The following EIF2AK3 variants were observed in gnomAD, a reference collection of about 807,000 sequenced individuals.
EIF2AK3 encodes eukaryotic translation initiation factor 2 alpha kinase 3.
A neutral mutation model predicts 113.5 loss-of-function variants in EIF2AK3; 50 were observed. The ratio of observed to expected loss-of-function variants is 0.44; its 90% CI spans 0.35 to 0.56. The LOEUF is 0.56. EIF2AK3 is among the 20% of genes least tolerant of loss of function. EIF2AK3 has a pLI of 0.00. For synonymous variants in EIF2AK3, 448 were observed against 495.4 expected, an observed-to-expected ratio of 0.90 and a Z score of 1.27; for missense variants, 1,185 against 1,378.0, an observed-to-expected ratio of 0.86 and a Z score of 2.22.
chr2:88,571,917 A>G (rs10201649), intron 13 of EIF2AK3, among the ~76,000 whole-genome samples: 22,489 of 152,104 alleles, frequency 0.15, 2,854 homozygotes, highest in African/African-American at 0.35. Flanking sequence ...TCTCAAACCC[A>G]AGGTGCCCTA....
intron 7 of EIF2AK3, 116 bp from the exon 8 acceptor site, chr2:88,588,220 T>A (rs1056778080): frequency 8.7e-6 from 6 of 687,394 alleles, no homozygotes; most frequent in Non-Finnish European, 1.3e-5. Context: ...ATAATTCAAT[T>A]CAAACATATA....
chr2:88,616,541 C>T (rs1294111588), intron 1 of EIF2AK3, among the ~76,000 whole-genome samples: 1 of 152,174 alleles, frequency 6.6e-6, no homozygotes, highest in African/African-American at 2.4e-5. Flanking sequence ...AGTCTCCAGC[C>T]TCAGCCTCCC....
chr2:88,627,144 G>A lies in EIF2AK3; in HGVS notation c.131C>T (p.Ala44Val), dbSNP rs1187474096. Residue 44 changes from alanine to valine, a missense_variant, in exon 1 of 17, where the codon GCG (alanine) becomes GTG (valine). Ala to Val is a moderately conservative substitution (Grantham distance 64). Coordinates refer to ENST00000303236, the MANE Select transcript of EIF2AK3 (RefSeq NM_004836.7). The part of the protein sequence containing the change: ...RGLPAPTAEA[A>V]FGLGAAAAPT... The stretch of plus-strand genomic sequence containing the variant: ...AGCAGCGGCCGCCCCGAGGCCGAAC[G>A]CCGCCTCCGCCGTCGGCGCTGGGAG... 1.4e-6 allele frequency: 2 copies of A among 1,435,802 alleles called. No individual in the cohort carries two copies. Among genetic ancestry groups the A allele is most frequent in the East Asian group, 3.0e-5 (1 of 33,138 alleles). 88.9% of individuals were successfully genotyped at this position (1,435,802 alleles called of 1,614,324 possible).
intron 2 of EIF2AK3, among the ~76,000 whole-genome samples, chr2:88,605,156 T>C (rs1675239364): frequency 6.6e-6 from 1 of 152,216 alleles, no homozygotes; most frequent in Non-Finnish European, 1.5e-5. Context: ...AGGTAATTTG[T>C]ATGTGTTTAT....
chr2:88,569,215 C>T (rs567360419), intron 14 of EIF2AK3, among the ~76,000 whole-genome samples: 1 of 151,876 alleles, frequency 6.6e-6, no homozygotes, highest in African/African-American at 2.4e-5. Flanking sequence ...TAAAGATGAA[C>T]AATGAGACCG....
At chr2:88,584,177 TGAG>T (rs1352278295) in intron 9 of EIF2AK3, among the ~76,000 whole-genome samples, 1 of 152,112 alleles carries the variant, frequency 6.6e-6, no homozygotes, top group Non-Finnish European at 1.5e-5. Flanking sequence ...TGTAAGGGGC[TGAG>T]GAGATGGTGG....
chr2:88,576,247 T>G (rs1007121984), intron 12 of EIF2AK3, among the ~76,000 whole-genome samples: 1 of 152,212 alleles, frequency 6.6e-6, no homozygotes, highest in Non-Finnish European at 1.5e-5. Flanking sequence ...ATGTAAGTTC[T>G]CTCTTATTTT....
intron 9 of EIF2AK3, 50 bp downstream of exon 9, chr2:88,585,791 A>C (rs1474790286): frequency 3.8e-6 from 6 of 1,573,444 alleles, no homozygotes; most frequent in Non-Finnish European, 5.2e-6. Context: ...TGAGAAGCAA[A>C]TAGGAGGTGG....
intron 2 of EIF2AK3, chr2:88,595,880 C>T: frequency 1.6e-6 from 1 of 634,686 alleles, no homozygotes; most frequent in Non-Finnish European, 2.8e-6. Context: ...CAATCACTCC[C>T]AGGCCCTACA....
At chr2:88,575,509 G>T in intron 12 of EIF2AK3, 63 bp from the exon 13 acceptor site, 1 of 1,562,440 alleles carries the variant, frequency 6.4e-7, no homozygotes, top group Non-Finnish European at 8.7e-7. Flanking sequence ...TACCTGAACT[G>T]CACCCTCTGT....
At chr2:88,617,216 C>G (rs1258320526) in intron 1 of EIF2AK3, among the ~76,000 whole-genome samples, 1 of 152,164 alleles carries the variant, frequency 6.6e-6, no homozygotes, top group East Asian at 1.9e-4. Context: ...GCACTATTCA[C>G]AAGAGCAAAG....
chr2:88,614,410 T>C (rs1171613159), intron 1 of EIF2AK3, among the ~76,000 whole-genome samples: 1 of 152,180 alleles, frequency 6.6e-6, no homozygotes, highest in African/African-American at 2.4e-5. Context: ...AGACATCTAA[T>C]TGACCCTTAG....
rs1674799868 is a variant in EIF2AK3, at chr2:88,588,656, T to G, written c.1306+105A>C. 2.6e-6 allele frequency: 3 copies of G among 1,156,548 alleles called. No homozygotes were observed. The East Asian group carries it at 7.3e-5, about 28-fold the overall frequency. 71.6% of individuals were successfully genotyped at this position (1,156,548 alleles called of 1,614,324 possible). A position where few individuals can be genotyped will look rare whatever the true frequency, so the allele number is the denominator to read the frequency against. ...CATGGTTTATCAATAAAATATAAAG[T>G]ATATAACAGTTCTTATCTCTGCAGT... On this transcript the variant is annotated intron_variant, in intron 7 of 16. Coordinates refer to ENST00000303236, the MANE Select transcript of EIF2AK3 (RefSeq NM_004836.7).
chr2:88,566,652 T>C (rs1674137903), intron 14 of EIF2AK3, among the ~76,000 whole-genome samples: 1 of 152,158 alleles, frequency 6.6e-6, no homozygotes, highest in Admixed American at 6.6e-5. Context: ...AGGAGGGTTT[T>C]AAAATTTCCA....
intron 2 of EIF2AK3, among the ~76,000 whole-genome samples, chr2:88,609,921 C>T (rs1399089592): frequency 6.2e-5 from 1 of 16,032 alleles, no homozygotes; most frequent in East Asian, 1.8e-3. Context: ...TCAGCCTGGG[C>T]AAAATAAGAA....
In EIF2AK3 at chr2:88,627,228, AG is replaced by A; in HGVS notation, c.46del (p.Leu16CysfsTer55). 1.4e-6 allele frequency: 2 copies of A among 1,478,332 alleles called. No homozygotes were observed. Among genetic ancestry groups the A allele is most frequent in the Non-Finnish European group, 8.9e-7 (1 of 1,120,984 alleles). The allele number at this position is 1,478,332 out of a possible 1,614,324, so 91.6% of individuals were successfully genotyped here. A position where few individuals can be genotyped will look rare whatever the true frequency, so the allele number is the denominator to read the frequency against. On this transcript the variant is annotated frameshift_variant, in exon 1 of 17. Coordinates refer to ENST00000303236, the MANE Select transcript of EIF2AK3 (RefSeq NM_004836.7). LOFTEE classifies it high-confidence loss of function. ...CGCGAGCCCCAGCAGCAGCAGCAGC[AG>A]CAGCAGCGCCCGTACCAGCAGCCCC... ...SPGLLVRALL[L>X]LLLLLGLAAR...
rs1290294103 is a variant in EIF2AK3, at chr2:88,579,500, G to A, written c.1886+18C>T. The stretch of plus-strand genomic sequence containing the variant: ...ACACTGTGCTGATTTCAAGTTTACT[G>A]AAGGTACCACCCATTACCTATTGGG... On this transcript the variant is annotated intron_variant, in intron 11 of 16. Coordinates refer to ENST00000303236, the MANE Select transcript of EIF2AK3 (RefSeq NM_004836.7). 2 of 1,613,068 alleles carry A rather than the reference G, an allele frequency of 1.2e-6. No homozygotes were observed. Among genetic ancestry groups the A allele is most frequent in the African/African-American group, 2.7e-5 (2 of 74,886 alleles).
intron 7 of EIF2AK3, 152 bp from the exon 8 acceptor site, chr2:88,588,256 T>G: frequency 1.9e-6 from 1 of 513,686 alleles, no homozygotes; most frequent in South Asian, 3.7e-5. Context: ...CCAGAGCTCT[T>G]GCCTTTGAAA....
intron 9 of EIF2AK3, among the ~76,000 whole-genome samples, chr2:88,585,278 A>G (rs180916755): frequency 2.6e-5 from 4 of 152,224 alleles, no homozygotes; most frequent in Admixed American, 1.3e-4. Context: ...ATACGGCAGT[A>G]CGTTTCTTTG....
Sources: gnomAD v4.1 joint callset for allele counts (sites outside exome capture counted in the v4.1 genomes callset) on GRCh38, gnomAD v4.1.1 for gene constraint, MANE v1.5 for transcripts, NCBI Gene and HGNC (gene_info 2026-07-23, HGNC 2026-07-21) for gene names.